GRID2: variants seen among roughly 807,000 people sequenced by gnomAD.
GRID2 encodes glutamate receptor ionotropic, delta-2.
GRID2 carries 33 observed loss-of-function variants against 114.8 expected under a neutral mutation model. That is an observed-to-expected ratio of 0.29 (90% CI 0.22 to 0.38). The LOEUF (loss-of-function observed/expected upper bound fraction) is 0.38, where lower values mean the gene tolerates loss of function less well. Among genes scored for constraint, GRID2 ranks in the 10% least tolerant of loss-of-function variants. The pLI is 1.00. For synonymous variants in GRID2, 505 were observed against 449.9 expected (o/e 1.12, Z -1.55); for missense variants, 1,184 against 1,257.7 (o/e 0.94, Z 0.89).
intron 14 of GRID2, among the ~76,000 whole-genome samples, chr4:93,684,806 T>G (rs1315632670): frequency 6.6e-6 from 1 of 151,996 alleles, no homozygotes; most frequent in Non-Finnish European, 1.5e-5. Context: ...CTTCCCAAAA[T>G]TGGATTTTAC....
intron 2 of GRID2, among the ~76,000 whole-genome samples, chr4:93,042,688 T>TAGATATATAG (rs1725699192): frequency 6.9e-6 from 1 of 144,422 alleles, no homozygotes; most frequent in Non-Finnish European, 1.5e-5. Context: ...TCTATATATA[T>TAGATATATAG]ATGCATATAT....
chr4:92,811,133 G>A (rs1446703198), intron 2 of GRID2, among the ~76,000 whole-genome samples: 2 of 152,086 alleles, frequency 1.3e-5, no homozygotes, highest in East Asian at 1.9e-4. Flanking sequence ...ATAAATCTTA[G>A]AGCATTTAGG....
intron 1 of GRID2, among the ~76,000 whole-genome samples, chr4:92,325,747 T>G (rs1003829267): frequency 6.6e-6 from 1 of 151,784 alleles, no homozygotes; most frequent in Non-Finnish European, 1.5e-5. Flanking sequence ...ATCTTTTTAC[T>G]GCTTGGACTC....
chr4:93,367,058 A>C (rs1417093286), intron 8 of GRID2, among the ~76,000 whole-genome samples: 1 of 152,080 alleles, frequency 6.6e-6, no homozygotes, highest in African/African-American at 2.4e-5. Flanking sequence ...GGTTGTAAGT[A>C]TGGGATATGA....
chr4:92,662,452 T>C (rs1245982485), intron 2 of GRID2, among the ~76,000 whole-genome samples: 1 of 151,078 alleles, frequency 6.6e-6, no homozygotes, highest in Non-Finnish European at 1.5e-5. Context: ...TTTTAACATA[T>C]ACATGCATAA....
intron 8 of GRID2, among the ~76,000 whole-genome samples, chr4:93,345,584 T>C (rs937553481): frequency 1.3e-5 from 2 of 152,118 alleles, no homozygotes; most frequent in African/African-American, 4.8e-5. Context: ...TTTCCCATTC[T>C]GTAGGTTGTC....
At chr4:92,306,487 G>A (rs369394419) in intron 1 of GRID2, among the ~76,000 whole-genome samples, 16 of 152,242 alleles carry the variant, frequency 1.1e-4, no homozygotes, top group African/African-American at 3.6e-4. Context: ...GTAAATGATT[G>A]GAGCAGGAAT....
intron 9 of GRID2, among the ~76,000 whole-genome samples, chr4:93,409,065 T>G (rs554961394): frequency 1.3e-4 from 20 of 152,068 alleles, no homozygotes; most frequent in Non-Finnish European, 2.4e-4. Context: ...CTCCACATCT[T>G]TTAGGGAAGA....
At chr4:93,170,244 C>T (rs182561063) in intron 4 of GRID2, among the ~76,000 whole-genome samples, 134 of 152,094 alleles carry the variant, frequency 8.8e-4, no homozygotes, top group Admixed American at 1.8e-3. Context: ...CCAATGCACC[C>T]GGCTAATTTT....
At chr4:92,826,493 GTTAT>G (rs1181725045) in intron 2 of GRID2, among the ~76,000 whole-genome samples, 1 of 151,962 alleles carries the variant, frequency 6.6e-6, no homozygotes, top group Non-Finnish European at 1.5e-5. Context: ...TTTGTGGTCT[GTTAT>G]TCCCACTGGA....
intron 2 of GRID2, among the ~76,000 whole-genome samples, chr4:92,721,219 C>T (rs1364607770): frequency 6.6e-6 from 1 of 152,000 alleles, no homozygotes; most frequent in Non-Finnish European, 1.5e-5. Context: ...AAGGAATAAG[C>T]TCTGGAGAAA....
chr4:92,716,358 A>G (rs943165813), intron 2 of GRID2, among the ~76,000 whole-genome samples: 2 of 152,222 alleles, frequency 1.3e-5, no homozygotes, highest in Non-Finnish European at 2.9e-5. Flanking sequence ...TCATGATATC[A>G]TTAGCAGGAA....
chr4:92,596,232 TC>T (rs1250660169), intron 2 of GRID2, among the ~76,000 whole-genome samples: 9 of 152,196 alleles, frequency 5.9e-5, no homozygotes, highest in East Asian at 3.9e-4. Context: ...ATTCATTCAT[TC>T]ATTCATTCAT....
chr4:93,051,393 C>G (rs1726696183), intron 2 of GRID2, among the ~76,000 whole-genome samples: 1 of 151,986 alleles, frequency 6.6e-6, no homozygotes, highest in Non-Finnish European at 1.5e-5. Flanking sequence ...TTCCCTCTGT[C>G]CCCCTTTGCC....
At chr4:92,910,940 G>A (rs1033952616) in intron 2 of GRID2, among the ~76,000 whole-genome samples, 3 of 151,984 alleles carry the variant, frequency 2.0e-5, no homozygotes, top group African/African-American at 7.2e-5. Context: ...CATGGATATG[G>A]AGGACCAACT....
At chr4:92,372,336 TA>T (rs1729155899) in intron 1 of GRID2, among the ~76,000 whole-genome samples, 1 of 152,138 alleles carries the variant, frequency 6.6e-6, no homozygotes, top group African/African-American at 2.4e-5. Context: ...TGAAAGGAAG[TA>T]TCAATTGATG....
rs893865674 is a variant in GRID2, at chr4:92,782,847, G to A, written c.244+192561G>A. On this transcript the variant is annotated intron_variant, in intron 2 of 15. Coordinates refer to ENST00000282020, the MANE Select transcript of GRID2 (RefSeq NM_001510.4). ...AGGTCTTCATCTTCCAACAGAAGTT[G>A]GATTAGTACTAAAAGAGGTGACAGA... is the stretch of plus-strand genomic sequence containing the variant. Among the ~76,000 whole-genome samples, 55 of 151,992 alleles carry A rather than the reference G, an allele frequency of 3.6e-4. 1 individual carries two copies. Among genetic ancestry groups the A allele is most frequent in the African/African-American group, 1.3e-3 (54 of 41,398 alleles).
intron 14 of GRID2, among the ~76,000 whole-genome samples, chr4:93,678,147 C>T (rs1002156488): frequency 4.6e-5 from 7 of 151,836 alleles, no homozygotes; most frequent in South Asian, 2.1e-4. Context: ...CCTCAGGAGC[C>T]GACGCGATCA....
intron 8 of GRID2, among the ~76,000 whole-genome samples, chr4:93,332,295 T>TGAGAGAGAGAGAGAGAGAGA (rs1353456848): frequency 2.3e-4 from 30 of 128,962 alleles, no homozygotes; most frequent in African/African-American, 1.0e-3. Flanking sequence ...TGTGTGTGTG[T>TGAGAGAGAGAGAGAGAGAGA]GTGTGAGAGA....
Sources: gnomAD v4.1 joint callset for allele counts (sites outside exome capture counted in the v4.1 genomes callset) on GRCh38, gnomAD v4.1.1 for gene constraint, MANE v1.5 for transcripts, NCBI Gene and HGNC (gene_info 2026-07-23, HGNC 2026-07-21) for gene names.